The following MYO16 variants were observed in gnomAD, a reference collection of about 807,000 sequenced individuals.
MYO16 encodes the protein unconventional myosin-XVI.
In MYO16, 94 loss-of-function variants were observed where a neutral mutation model predicts 205.3. The observed-to-expected ratio is 0.46, with a 90% CI of 0.39 to 0.54. MYO16 has a LOEUF of 0.54. Ranked by LOEUF, MYO16 falls within the 20% of genes least tolerant of loss-of-function variation. The pLI is 0.00. For missense variants in MYO16, 2,315 were observed against 2,387.5 expected, an observed-to-expected ratio of 0.97 and a Z score of 0.63; for synonymous variants, 988 against 954.0, an observed-to-expected ratio of 1.04 and a Z score of -0.66.
chr13:108,586,029 GT>G, the MYO16 span, among the ~76,000 whole-genome samples: 2 of 152,100 alleles, frequency 1.3e-5, no homozygotes. Flanking sequence ...CCATATAAAT[GT>G]TTTTAGAATA....
At chr13:108,641,571 A>AT (rs1880504852) in intron 1 of MYO16, among the ~76,000 whole-genome samples, 1 of 152,186 alleles carries the variant, frequency 6.6e-6, no homozygotes, top group African/African-American at 2.4e-5. Context: ...GCTGCAAAGT[A>AT]TTATTGGGGG....
chr13:109,014,319 G>A (rs1040842901), intron 22 of MYO16, among the ~76,000 whole-genome samples: 4 of 152,076 alleles, frequency 2.6e-5, no homozygotes, highest in African/African-American at 9.7e-5. Flanking sequence ...TGTTCCATTG[G>A]TCTATCTCTC....
intron 32 of MYO16, among the ~76,000 whole-genome samples, chr13:109,154,101 G>A (rs910772565): frequency 2.6e-5 from 4 of 152,228 alleles, no homozygotes; most frequent in Admixed American, 6.5e-5. Flanking sequence ...CCAGAATTTC[G>A]AGAAGAATTT....
chr13:108,650,629 CCAA>C, intron 1 of MYO16, among the ~76,000 whole-genome samples: 1 of 152,246 alleles, frequency 6.6e-6, no homozygotes, highest in South Asian at 2.1e-4. Context: ...GAGTATAAAA[CCAA>C]AGAGAACTTC....
chr13:108,860,010 C>CTT (rs111789965), intron 11 of MYO16, among the ~76,000 whole-genome samples: 2 of 146,522 alleles, frequency 1.4e-5, no homozygotes, highest in African/African-American at 5.0e-5. Context: ...AGCAGAGCCT[C>CTT]TTTTTTTTTT....
chr13:108,960,274 CAAA>C (rs369076417), intron 17 of MYO16, among the ~76,000 whole-genome samples: 6 of 127,470 alleles, frequency 4.7e-5, no homozygotes, highest in Non-Finnish European at 6.5e-5. Context: ...AACCCTGTCT[CAAA>C]AAAAAAAAAA....
chr13:109,150,476 G>T (rs1474244751), intron 32 of MYO16, among the ~76,000 whole-genome samples: 2 of 152,118 alleles, frequency 1.3e-5, no homozygotes, highest in African/African-American at 4.8e-5. Flanking sequence ...AGATCAATCT[G>T]ATCAAAAAGG....
At chr13:108,760,289 C>G (rs1885562830) in intron 4 of MYO16, among the ~76,000 whole-genome samples, 5 of 152,186 alleles carry the variant, frequency 3.3e-5, no homozygotes. Flanking sequence ...GGCACTCTTA[C>G]AGGTATTTTA....
At chr13:109,016,363 G>A (rs1411556585) in intron 22 of MYO16, among the ~76,000 whole-genome samples, 3 of 152,198 alleles carry the variant, frequency 2.0e-5, no homozygotes, top group Non-Finnish European at 4.4e-5. Context: ...TACATTTGCT[G>A]AGGAGTGCTT....
At chr13:108,855,727 G>A (rs1878136265) in intron 11 of MYO16, among the ~76,000 whole-genome samples, 174 bp downstream of exon 11, 1 of 152,158 alleles carries the variant, frequency 6.6e-6, no homozygotes, top group African/African-American at 2.4e-5. Context: ...CAGTTATAAG[G>A]CAAATTCAGC....
intron 32 of MYO16, among the ~76,000 whole-genome samples, chr13:109,150,763 A>G (rs1877615826): frequency 6.6e-6 from 1 of 152,204 alleles, no homozygotes; most frequent in Non-Finnish European, 1.5e-5. Flanking sequence ...TATTTTTCAT[A>G]CTATCAACCC....
chr13:108,919,287 C>A (rs57127833), intron 16 of MYO16, among the ~76,000 whole-genome samples: 47,625 of 152,206 alleles, frequency 0.31, 7,993 homozygotes, highest in Non-Finnish European at 0.37. Context: ...CACTGCACAG[C>A]ATCTTACCTT....
intron 4 of MYO16, among the ~76,000 whole-genome samples, chr13:108,773,114 G>C (rs1342659327): frequency 6.6e-6 from 1 of 152,058 alleles, no homozygotes; most frequent in Non-Finnish European, 1.5e-5. Context: ...GCCGTTTAGG[G>C]TCTCTTTTAT....
chr13:108,519,351 T>G, the MYO16 span, among the ~76,000 whole-genome samples: 50,986 of 152,020 alleles, frequency 0.34, 10,607 homozygotes, highest in African/African-American at 0.59. Context: ...TTTTTCTGCA[T>G]GGTGGAACTC....
At chr13:109,042,170 T>G (rs1434815326) in intron 23 of MYO16, among the ~76,000 whole-genome samples, 1 of 152,210 alleles carries the variant, frequency 6.6e-6, no homozygotes, top group African/African-American at 2.4e-5. Context: ...GGCCCTCAAA[T>G]TGCCTTTGAC....
intron 34 of MYO16, among the ~76,000 whole-genome samples, chr13:109,199,407 G>A (rs1029560360): frequency 8.6e-5 from 13 of 151,554 alleles, no homozygotes; most frequent in African/African-American, 3.1e-4. Flanking sequence ...CAGATGTGGA[G>A]TCCTTTGTAC....
At chr13:108,812,832 C>T (rs1191553285) in intron 7 of MYO16, among the ~76,000 whole-genome samples, 3 of 152,036 alleles carry the variant, frequency 2.0e-5, no homozygotes, top group Non-Finnish European at 4.4e-5. Context: ...CCTGCTTTTC[C>T]ACCATGTGAG....
chr13:108,549,074 ATTGT>A, the MYO16 span, among the ~76,000 whole-genome samples: 1 of 152,178 alleles, frequency 6.6e-6, no homozygotes, highest in Non-Finnish European at 1.5e-5. Flanking sequence ...AATCTTACTG[ATTGT>A]TAGATTCCCA....
intron 27 of MYO16, among the ~76,000 whole-genome samples, chr13:109,098,326 C>T (rs1033179798): frequency 5.3e-5 from 8 of 152,152 alleles, no homozygotes; most frequent in Admixed American, 5.2e-4. Flanking sequence ...TTTTGTTTAT[C>T]CCTGTAGTGT....
Sources: allele counts gnomAD v4.1 joint callset (sites outside exome capture counted in the v4.1 genomes callset), GRCh38; gene constraint gnomAD v4.1.1; transcripts MANE v1.5; gene names NCBI Gene and HGNC (gene_info 2026-07-23, HGNC 2026-07-21).